Variants in DNAH7 observed in about 807,000 individuals in gnomAD.
The protein encoded by DNAH7 is axonemal beta dynein heavy chain 7.
DNAH7 carries 397 observed loss-of-function variants against 444.6 expected under a neutral mutation model. That is an observed-to-expected ratio of 0.89 (90% CI 0.82 to 0.97). The LOEUF is 0.97. DNAH7 is among the 50% of genes least tolerant of loss of function. The pLI, the probability that DNAH7 is intolerant of heterozygous loss-of-function variation, is 0.00. For synonymous variants in DNAH7, 1,636 were observed against 1,624.4 expected, an observed-to-expected ratio of 1.01 and a Z score of -0.17; for missense variants, 4,902 against 4,800.8, an observed-to-expected ratio of 1.02 and a Z score of -0.62.
At chr2:196,003,094 A>G (rs1694146117) in intron 10 of DNAH7, among the ~76,000 whole-genome samples, 1 of 151,950 alleles carries the variant, frequency 6.6e-6, no homozygotes, top group African/African-American at 2.4e-5. Flanking sequence ...AATCTGAAAT[A>G]AAAGGATAGA....
intron 21 of DNAH7, among the ~76,000 whole-genome samples, chr2:195,931,191 T>TA (rs1300145496): frequency 2.0e-5 from 3 of 152,186 alleles, no homozygotes; most frequent in African/African-American, 7.2e-5. Context: ...AGTTGATATT[T>TA]AAAAAAATAA....
chr2:195,889,302 CCTTT>C (rs1365965775), intron 31 of DNAH7, among the ~76,000 whole-genome samples: 16 of 143,448 alleles, frequency 1.1e-4, no homozygotes, highest in Middle Eastern at 3.5e-3. Flanking sequence ...ATCCATCCTT[CCTTT>C]CTTTCTTTTT....
intron 14 of DNAH7, among the ~76,000 whole-genome samples, chr2:195,984,950 T>C (rs957687600): frequency 2.6e-5 from 4 of 152,202 alleles, no homozygotes; most frequent in African/African-American, 9.7e-5. Flanking sequence ...TCAGATAGCA[T>C]AATGGCCCTC....
In DNAH7 at chr2:195,787,134, A is replaced by C; in HGVS notation, c.10754T>G (p.Phe3585Cys). Residue 3585 changes from phenylalanine to cysteine, a missense_variant, in exon 58 of 65, where the codon TTT (phenylalanine) becomes TGT (cysteine). Phe to Cys is a radical substitution (Grantham distance 205, BLOSUM62 -2). Coordinates refer to ENST00000312428, the MANE Select transcript of DNAH7 (RefSeq NM_018897.3). ...CCGTCTTTCTTGTACCAAAGCATGA[A>C]AGAAACACAGGCCATAAAGCAATTT... ...FKKLLYGLCFFHALVQERRKF... is the reference protein window; with the variant it reads ...FKKLLYGLCFCHALVQERRKF... 6.2e-7 allele frequency: 1 copy of C among 1,607,650 alleles called. No individual in the cohort carries two copies. The highest frequency in any genetic ancestry group is 8.5e-7 in the Non-Finnish European group (1 of 1,178,414).
intron 27 of DNAH7, 89 bp from the exon 28 acceptor site, chr2:195,900,583 T>C: frequency 1.6e-6 from 2 of 1,238,996 alleles, no homozygotes; most frequent in Non-Finnish European, 2.3e-6. Flanking sequence ...CTCACTAATA[T>C]GTGGAGGCTA....
chr2:196,046,388 G>A (rs1697126005), intron 5 of DNAH7, among the ~76,000 whole-genome samples: 2 of 152,014 alleles, frequency 1.3e-5, no homozygotes, highest in Non-Finnish European at 2.9e-5. Flanking sequence ...ACAGGAAGTT[G>A]TGTCAAGAAA....
intron 17 of DNAH7, among the ~76,000 whole-genome samples, chr2:195,966,459 T>C (rs1021091109): frequency 6.6e-6 from 1 of 152,200 alleles, no homozygotes; most frequent in Non-Finnish European, 1.5e-5. Context: ...ATATTTATTA[T>C]GTTCATTTGG....
intron 20 of DNAH7, among the ~76,000 whole-genome samples, chr2:195,936,250 T>C (rs1169578752): frequency 6.6e-6 from 1 of 152,142 alleles, no homozygotes. Context: ...GGCGCACGCC[T>C]GTAATCCCAG....
At chr2:195,857,032 T>C (rs1435717095) in intron 44 of DNAH7, among the ~76,000 whole-genome samples, 1 of 152,144 alleles carries the variant, frequency 6.6e-6, no homozygotes, top group Admixed American at 6.5e-5. Context: ...ATAAATCACT[T>C]GTATTAACAT....
chr2:195,866,056 A>C (rs1011518077), intron 40 of DNAH7, among the ~76,000 whole-genome samples: 4 of 152,244 alleles, frequency 2.6e-5, no homozygotes, highest in African/African-American at 9.6e-5. Flanking sequence ...TATGCTATAA[A>C]TAATGCATAT....
intron 40 of DNAH7, among the ~76,000 whole-genome samples, chr2:195,870,633 A>G (rs1425942715): frequency 6.6e-6 from 1 of 152,190 alleles, no homozygotes; most frequent in African/African-American, 2.4e-5. Context: ...GGAGGTAATT[A>G]GGTCATGGGA....
chr2:196,010,984 G>A (rs1020418422), intron 10 of DNAH7, among the ~76,000 whole-genome samples: 6 of 152,082 alleles, frequency 3.9e-5, no homozygotes, highest in South Asian at 2.1e-4. Flanking sequence ...GTAGAATGGC[G>A]GTTAAGAGAA....
chr2:195,791,553 T>G (rs1185301634), intron 57 of DNAH7, among the ~76,000 whole-genome samples: 1 of 152,186 alleles, frequency 6.6e-6, no homozygotes, highest in Non-Finnish European at 1.5e-5. Context: ...ATCCCATTAC[T>G]GTGTGTATAT....
At chr2:195,958,359 T>G (rs1220431331) in intron 18 of DNAH7, among the ~76,000 whole-genome samples, 2 of 152,244 alleles carry the variant, frequency 1.3e-5, no homozygotes, top group Non-Finnish European at 2.9e-5. Context: ...TTCTCCAGCC[T>G]ACTTTAAGAA....
chr2:195,747,446 C>G (rs549337103), intron 63 of DNAH7, among the ~76,000 whole-genome samples: 4 of 152,282 alleles, frequency 2.6e-5, no homozygotes, highest in African/African-American at 9.6e-5. Context: ...TGAAACTATT[C>G]CAATCAATAG....
At chr2:195,837,631 T>C (rs899887223) in intron 47 of DNAH7, among the ~76,000 whole-genome samples, 10 of 152,152 alleles carry the variant, frequency 6.6e-5, no homozygotes, top group African/African-American at 2.2e-4. Context: ...AGCATGGGCA[T>C]AAATCCATGT....
At position 196,043,649 on chromosome 2, in the gene DNAH7, C is replaced by T. The variant is rs931874848; in HGVS notation, c.398+3703G>A. On this transcript the variant is annotated intron_variant, in intron 5 of 64. Transcript: ENST00000312428. ...ACAACCCAGAGTGGGAGAATAAATT[C>T]GCAAACTATGCATCTGACAGAGGAC... 7.3e-5 allele frequency among the ~76,000 whole-genome samples: 11 copies of T among 151,484 alleles called. No individual in the cohort carries two copies. The East Asian group carries it at 9.6e-4, about 13-fold the overall frequency.
chr2:195,924,930 GGCT>G (rs1195329413), intron 22 of DNAH7, among the ~76,000 whole-genome samples: 4 of 152,118 alleles, frequency 2.6e-5, no homozygotes, highest in South Asian at 4.1e-4. Context: ...ATGCTCCAGT[GGCT>G]GCTTTTTCTA....
chr2:195,938,383 A>ACACACACACACAC (rs1689200137), intron 19 of DNAH7, among the ~76,000 whole-genome samples: 1 of 118,078 alleles, frequency 8.5e-6, no homozygotes, highest in Non-Finnish European at 1.7e-5. Flanking sequence ...CACACACACA[A>ACACACACACACAC]ACACACACAG....
Sources: allele counts gnomAD v4.1 joint callset (sites outside exome capture counted in the v4.1 genomes callset), GRCh38; gene constraint gnomAD v4.1.1; transcripts MANE v1.5; gene names NCBI Gene and HGNC (gene_info 2026-07-23, HGNC 2026-07-21).